IL31RA: variants seen among roughly 807,000 people sequenced by gnomAD.
IL31RA encodes the protein interleukin-31 receptor subunit alpha.
Under a neutral mutation model 83.7 loss-of-function variants are expected in IL31RA, and 66 were observed. That is an observed-to-expected ratio of 0.79 (90% CI 0.65 to 0.97). The LOEUF (loss-of-function observed/expected upper bound fraction) is 0.97, where lower values mean the gene tolerates loss of function less well. Among genes scored for constraint, IL31RA ranks in the 50% least tolerant of loss-of-function variants. IL31RA has a pLI of 0.00. For synonymous variants in IL31RA, 325 were observed against 329.0 expected, an observed-to-expected ratio of 0.99 and a Z score of 0.13; for missense variants, 798 against 919.4, an observed-to-expected ratio of 0.87 and a Z score of 1.71.
intron 1 of IL31RA, among the ~76,000 whole-genome samples, chr5:55,859,103 A>G (rs1745516847): frequency 6.6e-6 from 1 of 152,228 alleles, no homozygotes; most frequent in Non-Finnish European, 1.5e-5. Flanking sequence ...CACTGTGGGC[A>G]TGCATAGAGC....
At chr5:55,904,533 C>T (rs553896857) in intron 8 of IL31RA, among the ~76,000 whole-genome samples, 84 of 152,312 alleles carry the variant, frequency 5.5e-4, no homozygotes, top group African/African-American at 1.9e-3. Flanking sequence ...CTTCTTGCCC[C>T]GGCCTCTGCT....
intron 12 of IL31RA, 60 bp from the exon 13 acceptor site, chr5:55,913,417 T>C (rs1036919752): frequency 4.7e-5 from 49 of 1,040,164 alleles, no homozygotes; most frequent in Admixed American, 6.8e-5. Flanking sequence ...AAGTTAATCA[T>C]TGATTTTTGT....
chr5:55,869,512 C>A (rs1459516429), intron 3 of IL31RA, among the ~76,000 whole-genome samples: 1 of 152,092 alleles, frequency 6.6e-6, no homozygotes, highest in South Asian at 2.1e-4. Context: ...CTCACTCTGT[C>A]CCCCAGGCTG....
the IL31RA span, among the ~76,000 whole-genome samples, chr5:55,843,793 T>C: frequency 4.6e-5 from 7 of 152,326 alleles, no homozygotes; most frequent in East Asian, 1.3e-3. Context: ...ACTTCAACTT[T>C]CTTTTGATTA....
chr5:55,849,227 T>C (rs183728097), upstream of IL31RA, among the ~76,000 whole-genome samples: 293 of 152,060 alleles, frequency 1.9e-3, 1 homozygote, highest in African/African-American at 6.8e-3. Flanking sequence ...TTTTTTTTTT[T>C]CTGGGGTTTA....
chr5:55,901,815 A>T (rs1489447889), intron 8 of IL31RA, among the ~76,000 whole-genome samples: 2 of 151,850 alleles, frequency 1.3e-5, no homozygotes, highest in African/African-American at 4.8e-5. Context: ...GGGTTTCTCC[A>T]TGTTGGTCAG....
chr5:55,870,004 T>C (rs1746418069), intron 3 of IL31RA, among the ~76,000 whole-genome samples: 1 of 152,204 alleles, frequency 6.6e-6, no homozygotes, highest in Non-Finnish European at 1.5e-5. Flanking sequence ...GCAGCACTGA[T>C]ATAGCTACGA....
rs1749854742 is a variant in IL31RA, at chr5:55,917,389, G to A, written c.*269G>A. ...TACCAAGCTCTCACCGAGGCCTCCT[G>A]ACAGATTGACTTTGAAGGAAGGGCC... On this transcript the variant is annotated 3_prime_UTR_variant, in exon 15 of 15. Transcript: ENST00000652347. The A allele has an allele frequency of 8.9e-6, 11 of 1,234,756 alleles. No individual in the cohort carries two copies. The highest frequency in any genetic ancestry group is 1.1e-5 in the Non-Finnish European group (11 of 957,602). 76.5% of individuals were successfully genotyped at this position (1,234,756 alleles called of 1,614,324 possible).
chr5:55,884,424 T>C (rs569570625), intron 5 of IL31RA, among the ~76,000 whole-genome samples: 1 of 152,298 alleles, frequency 6.6e-6, no homozygotes, highest in South Asian at 2.1e-4. Flanking sequence ...TTTGTAATCA[T>C]CTCATATTTA....
In IL31RA at chr5:55,910,610, T is replaced by C. The variant is rs1451080364; in HGVS notation, c.1580T>C (p.Met527Thr). 6.2e-7 allele frequency: 1 copy of C among 1,614,120 alleles called. No homozygotes were observed. Among genetic ancestry groups the C allele is most frequent in the South Asian group, 1.1e-5 (1 of 91,080 alleles). Residue 527 changes from methionine to threonine, a missense_variant, in exon 12 of 15, where the codon ATG becomes ACG. Transcript: ENST00000652347. ...KRKTSYIVQV[M>T]ASTSAGGTNG... Reference sequence around the variant, plus strand: ...AAGACCTCTTACATTGTTCAGGTCATGGCCAGCACCAGTGCTGGGGGAACC... The same window carrying C: ...AAGACCTCTTACATTGTTCAGGTCACGGCCAGCACCAGTGCTGGGGGAACC...
At chr5:55,867,740 T>A (rs1277912247) in intron 2 of IL31RA, among the ~76,000 whole-genome samples, 3 of 152,190 alleles carry the variant, frequency 2.0e-5, no homozygotes, top group African/African-American at 7.2e-5. Context: ...CTCAGAATCA[T>A]GGTGGGAGGC....
At position 55,918,993 on chromosome 5, in the gene IL31RA, C is replaced by T. The variant is rs1286979826; in HGVS notation, c.*1873C>T. Among the ~76,000 whole-genome samples the T allele has an allele frequency of 6.6e-6, 1 of 152,130 alleles. No homozygotes were observed. Among genetic ancestry groups the T allele is most frequent in the African/African-American group, 2.4e-5 (1 of 41,444 alleles). ...AAAGAGATGCGTCCAATTCTCATGCCGCCCCTGATGTCTGCTCTCCCTGCT... is the reference window on the plus strand; with the variant it reads ...AAAGAGATGCGTCCAATTCTCATGCTGCCCCTGATGTCTGCTCTCCCTGCT... On this transcript the variant is annotated 3_prime_UTR_variant, in exon 15 of 15. Transcript: ENST00000652347.
chr5:55,886,247 G>A (rs1377879291), intron 5 of IL31RA, among the ~76,000 whole-genome samples: 1 of 138,236 alleles, frequency 7.2e-6, no homozygotes, highest in Non-Finnish European at 1.5e-5. Context: ...TCCTTAGCTA[G>A]CTTGCTTGCT....
At chr5:55,901,354 T>C (rs1235139665) in intron 8 of IL31RA, among the ~76,000 whole-genome samples, 1 of 152,024 alleles carries the variant, frequency 6.6e-6, no homozygotes, top group Non-Finnish European at 1.5e-5. Context: ...TGGGAGGTGG[T>C]AAAGAATAGG....
intron 3 of IL31RA, among the ~76,000 whole-genome samples, chr5:55,871,765 T>C (rs1475392369): frequency 6.7e-6 from 1 of 149,156 alleles, no homozygotes; most frequent in Non-Finnish European, 1.5e-5. Context: ...TGCATCCTAC[T>C]TTTTTTCACC....
At chr5:55,888,049 A>C (rs566847885) in intron 5 of IL31RA, among the ~76,000 whole-genome samples, 8 of 152,040 alleles carry the variant, frequency 5.3e-5, no homozygotes, top group Admixed American at 3.3e-4. Flanking sequence ...GGGAAAAAAA[A>C]AAAAACAAAA....
intron 4 of IL31RA, among the ~76,000 whole-genome samples, chr5:55,874,286 T>C (rs1453087200): frequency 6.6e-6 from 1 of 152,142 alleles, no homozygotes; most frequent in Non-Finnish European, 1.5e-5. Flanking sequence ...ATTAGGCCAA[T>C]ACCACACTGT....
chr5:55,917,352 C>T lies in IL31RA; in HGVS notation c.*232C>T, dbSNP rs115388286. 7.9e-6 allele frequency: 11 copies of T among 1,392,366 alleles called. No homozygotes were observed. The highest frequency in any genetic ancestry group is 5.7e-5 in the Admixed American group (2 of 35,258). 86.3% of individuals were successfully genotyped at this position (1,392,366 alleles called of 1,614,324 possible). On this transcript the variant is annotated 3_prime_UTR_variant, in exon 15 of 15. Coordinates refer to ENST00000652347, the MANE Select transcript of IL31RA (RefSeq NM_139017.7). ...TTGTAAAGGAACAGCAGTCTCTTTTCGTTTGTTCAGATACCAAGCTCTCAC... is the reference window on the plus strand; with the variant it reads ...TTGTAAAGGAACAGCAGTCTCTTTTTGTTTGTTCAGATACCAAGCTCTCAC...
chr5:55,876,176 G>A (rs1050246280), intron 4 of IL31RA, among the ~76,000 whole-genome samples: 1 of 152,172 alleles, frequency 6.6e-6, no homozygotes, highest in African/African-American at 2.4e-5. Flanking sequence ...GGGAGGCTGA[G>A]GCGGGCAAAT....
Sources: allele counts gnomAD v4.1 joint callset (sites outside exome capture counted in the v4.1 genomes callset), GRCh38; gene constraint gnomAD v4.1.1; transcripts MANE v1.5; gene names NCBI Gene and HGNC (gene_info 2026-07-23, HGNC 2026-07-21).